The following SOS1 variants were observed in gnomAD, a reference collection of about 807,000 sequenced individuals.
The protein encoded by SOS1 is son of sevenless homolog 1.
A neutral mutation model predicts 157.6 loss-of-function variants in SOS1; 25 were observed. The observed-to-expected ratio is 0.16, with a 90% CI of 0.12 to 0.22. SOS1 has a LOEUF of 0.22. SOS1 is among the 10% of genes least tolerant of loss of function. The pLI is 1.00. For missense variants in SOS1, 1,237 were observed against 1,599.1 expected, an observed-to-expected ratio of 0.77 and a Z score of 3.86; for synonymous variants, 528 against 534.0, an observed-to-expected ratio of 0.99 and a Z score of 0.16.
chr2:39,030,400 C>T (rs1270182337), intron 8 of SOS1, among the ~76,000 whole-genome samples: 1 of 151,830 alleles, frequency 6.6e-6, no homozygotes, highest in African/African-American at 2.4e-5. Context: ...CTTGTCTCTA[C>T]AAAAAAATAA....
chr2:39,123,995 G>A (rs772390748), upstream of SOS1, among the ~76,000 whole-genome samples: 3 of 152,198 alleles, frequency 2.0e-5, no homozygotes, highest in Non-Finnish European at 4.4e-5. Flanking sequence ...AGCGGCCAGG[G>A]CAGGTTTTCA....
chr2:39,092,292 C>G (rs1558509709), intron 1 of SOS1, among the ~76,000 whole-genome samples: 1 of 152,200 alleles, frequency 6.6e-6, no homozygotes, highest in East Asian at 1.9e-4. Context: ...TACTGCTTGT[C>G]TTGATGTTTC....
intron 17 of SOS1, among the ~76,000 whole-genome samples, chr2:39,001,615 T>A (rs1669102604): frequency 6.6e-6 from 1 of 152,148 alleles, no homozygotes; most frequent in African/African-American, 2.4e-5. Context: ...GTATCCAGAA[T>A]TTAGGAAAAG....
intron 2 of SOS1, among the ~76,000 whole-genome samples, chr2:39,062,252 T>C (rs1671430444): frequency 1.3e-5 from 2 of 151,556 alleles, no homozygotes; most frequent in African/African-American, 2.4e-5. Context: ...ACCCTGTCTC[T>C]ACTAAAAATA....
Position 39,081,011 on chromosome 2 carries a change from C to T in SOS1, c.88-13258G>A, listed in dbSNP as rs547799241. Among the ~76,000 whole-genome samples, 9 of 151,516 alleles carry T rather than the reference C, an allele frequency of 5.9e-5. No homozygotes were observed. In the South Asian group the frequency reaches 1.9e-3, roughly 32 times the overall value. Reference sequence around the variant, plus strand: ...GACCTGCCTGGGCAACAAAGTGAGACCTTGTCTCTCCAAAAAAAAAATAAT... The same window carrying T: ...GACCTGCCTGGGCAACAAAGTGAGATCTTGTCTCTCCAAAAAAAAAATAAT... On this transcript the variant is annotated intron_variant, in intron 1 of 22. Transcript: ENST00000402219.
chr2:39,037,496 C>A (rs1670399727), intron 6 of SOS1, among the ~76,000 whole-genome samples: 1 of 152,206 alleles, frequency 6.6e-6, no homozygotes, highest in South Asian at 2.1e-4. Flanking sequence ...CCATTCTCCA[C>A]TGATAGATAA....
At chr2:39,114,028 C>A (rs936940695) in intron 1 of SOS1, among the ~76,000 whole-genome samples, 14 of 152,220 alleles carry the variant, frequency 9.2e-5, no homozygotes, top group African/African-American at 3.4e-4. Context: ...CCAAACTTAA[C>A]ACTTTTCAGG....
intron 1 of SOS1, among the ~76,000 whole-genome samples, chr2:39,081,101 T>A (rs1313128338): frequency 6.6e-6 from 1 of 152,094 alleles, no homozygotes; most frequent in African/African-American, 2.4e-5. Context: ...AGTTCAAAGC[T>A]GCAGTGATCC....
rs1202255935 is a variant in SOS1 at position 38,981,792 on chromosome 2, T to C, written c.*4032A>G. 1 of 152,142 alleles carries C rather than the reference T, an allele frequency of 6.6e-6. No homozygotes were observed. Among genetic ancestry groups the C allele is most frequent in the Non-Finnish European group, 1.5e-5 (1 of 68,030 alleles). 9.4% of individuals were successfully genotyped at this position (152,142 alleles called of 1,614,324 possible). On this transcript the variant is annotated 3_prime_UTR_variant, in exon 23 of 23. Transcript: ENST00000402219. ...TGACAATTATTTTAGCAAATAACCGTGCTACTAAACAAAGGCAAATACACA... is the reference window on the plus strand; with the variant it reads ...TGACAATTATTTTAGCAAATAACCGCGCTACTAAACAAAGGCAAATACACA...
At chr2:39,058,069 T>C (rs1199514336) in intron 3 of SOS1, among the ~76,000 whole-genome samples, 1 of 152,110 alleles carries the variant, frequency 6.6e-6, no homozygotes, top group Non-Finnish European at 1.5e-5. Flanking sequence ...ATTACTGGCA[T>C]CTAAGTTTTT....
chr2:39,094,601 C>T (rs1209054796), intron 1 of SOS1, among the ~76,000 whole-genome samples: 4 of 151,846 alleles, frequency 2.6e-5, no homozygotes, highest in Admixed American at 2.6e-4. Context: ...TGCAGTGAGC[C>T]GAGACTGTAC....
rs185764368 is a variant in SOS1 at position 39,057,885 on chromosome 2, C to A, written c.345+788G>T. 8.9e-3 allele frequency among the ~76,000 whole-genome samples: 542 copies of A among 60,942 alleles called. 5 individuals carry two copies. The highest frequency in any genetic ancestry group is 0.013 in the Admixed American group (78 of 5,792). 40.0% of individuals were successfully genotyped at this position (60,942 alleles called of 152,430 possible). On this transcript the variant is annotated intron_variant, in intron 3 of 22. Coordinates refer to ENST00000402219, the MANE Select transcript of SOS1 (RefSeq NM_005633.4). ...TTGGACAACATCAAGCAAACCTGAA[C>A]TTTCTAACACTATCACTTAAGAGTC... is the stretch of plus-strand genomic sequence containing the variant.
intron 1 of SOS1, among the ~76,000 whole-genome samples, chr2:39,112,596 C>G (rs534838056): frequency 4.6e-5 from 7 of 152,194 alleles, no homozygotes; most frequent in African/African-American, 1.7e-4. Context: ...GCCACCGCAC[C>G]TGGCTTGCAA....
At chr2:39,064,231 G>C (rs189457167) in intron 2 of SOS1, among the ~76,000 whole-genome samples, 1 of 152,294 alleles carries the variant, frequency 6.6e-6, no homozygotes, top group East Asian at 1.9e-4. Context: ...CTGTGGAATA[G>C]TTAAATCTAG....
intron 8 of SOS1, among the ~76,000 whole-genome samples, chr2:39,032,144 A>T (rs1414875879): frequency 1.3e-5 from 2 of 152,192 alleles, no homozygotes; most frequent in African/African-American, 4.8e-5. Context: ...TCGTGGTGAG[A>T]ACACAATATC....
At position 39,120,971 on chromosome 2, in the gene SOS1, G is replaced by GCCGCCGCGGCCGCCGCCGCCA. The variant is rs1325466705; in HGVS notation, c.-570_-550dup. The GCCGCCGCGGCCGCCGCCGCCA allele has an allele frequency of 1.7e-5, 3 of 174,814 alleles. No individual in the cohort carries two copies. Among genetic ancestry groups the GCCGCCGCGGCCGCCGCCGCCA allele is most frequent in the African/African-American group, 7.2e-5 (3 of 41,484 alleles). 10.8% of individuals were successfully genotyped at this position (174,814 alleles called of 1,614,324 possible). On this transcript the variant is annotated 5_prime_UTR_variant, in exon 1 of 23. Transcript: ENST00000402219. ...TTGGGGAATCTGGCTGCCCTGAGGT[G>GCCGCCGCGGCCGCCGCCGCCA]CCGCCGCGGCCGCCGCCGCCACCGC...
intron 8 of SOS1, among the ~76,000 whole-genome samples, chr2:39,025,196 C>T (rs912266316): frequency 5.9e-5 from 9 of 152,058 alleles, no homozygotes; most frequent in African/African-American, 1.2e-4. Flanking sequence ...CTTAAGCCTA[C>T]GAGTTTGAGA....
At chr2:39,006,830 G>A (rs1669296936) in intron 16 of SOS1, among the ~76,000 whole-genome samples, 1 of 151,976 alleles carries the variant, frequency 6.6e-6, no homozygotes, top group African/African-American at 2.4e-5. Context: ...GCTTAGGCTG[G>A]GACCTGTGAA....
chr2:38,987,667 G>A, intron 21 of SOS1, 76 bp from the exon 22 acceptor site: 2 of 773,500 alleles, frequency 2.6e-6, no homozygotes, highest in East Asian at 2.6e-5. Flanking sequence ...AGTCTTAGCT[G>A]GAAATTGCTT....
Sources: allele counts gnomAD v4.1 joint callset (sites outside exome capture counted in the v4.1 genomes callset), GRCh38; gene constraint gnomAD v4.1.1; transcripts MANE v1.5; gene names NCBI Gene and HGNC (gene_info 2026-07-23, HGNC 2026-07-21).